Variants in NR6A1 observed in about 807,000 individuals in gnomAD.
The protein encoded by NR6A1 is retinoic acid receptor-related testis-associated receptor.
NR6A1 carries 7 observed loss-of-function variants against 59.1 expected under a neutral mutation model. The observed-to-expected ratio is 0.12, with a 90% CI of 0.07 to 0.22. The LOEUF is 0.22. Ranked by LOEUF, NR6A1 falls within the 10% of genes least tolerant of loss-of-function variation. The pLI is 1.00. For missense variants in NR6A1, 468 were observed against 611.6 expected (o/e 0.77, Z 2.48); for synonymous variants, 243 against 236.1 (o/e 1.03, Z -0.27).
At chr9:124,547,122 T>A (rs989281805) in intron 3 of NR6A1, among the ~76,000 whole-genome samples, 2 of 152,254 alleles carry the variant, frequency 1.3e-5, no homozygotes, top group African/African-American at 4.8e-5. Context: ...CTGTAACTCT[T>A]ATCTAAGTCT....
intron 2 of NR6A1, among the ~76,000 whole-genome samples, chr9:124,573,231 G>C (rs1019164199): frequency 6.6e-6 from 1 of 152,194 alleles, no homozygotes; most frequent in Non-Finnish European, 1.5e-5. Flanking sequence ...TGTCTGAAGA[G>C]AGCTGTGAAC....
chr9:124,599,446 C>T (rs1446645561), intron 2 of NR6A1: 6 of 418,290 alleles, frequency 1.4e-5, no homozygotes, highest in Middle Eastern at 8.4e-4. Flanking sequence ...AGTTCCTCTT[C>T]ATCTTCCTCC....
chr9:124,587,769 C>T (rs573905197), intron 2 of NR6A1, among the ~76,000 whole-genome samples: 1 of 152,312 alleles, frequency 6.6e-6, no homozygotes, highest in East Asian at 1.9e-4. Flanking sequence ...GAAGCTTCAA[C>T]AATGCGAATG....
At chr9:124,752,613 A>T (rs113296583) in intron 1 of NR6A1, among the ~76,000 whole-genome samples, 3 of 152,262 alleles carry the variant, frequency 2.0e-5, no homozygotes, top group African/African-American at 7.2e-5. Flanking sequence ...CTTTTCCAAC[A>T]TTATCTAATG....
chr9:124,652,008 G>GA (rs1406946531), intron 2 of NR6A1, among the ~76,000 whole-genome samples: 9 of 151,840 alleles, frequency 5.9e-5, no homozygotes, highest in East Asian at 2.0e-4. Flanking sequence ...CAGAATAAAG[G>GA]AAAAAAACAA....
chr9:124,675,047 G>C lies in NR6A1; in HGVS notation c.142+58261C>G, dbSNP rs554822311. 2.0e-5 allele frequency among the ~76,000 whole-genome samples: 3 copies of C among 152,300 alleles called. No homozygotes were observed. In the East Asian group the frequency reaches 5.8e-4, roughly 29 times the overall value. ...ATAATCAATTCTGGAAGCTTTCTTA[G>C]AAATGCCTTCCTGCCTTATACTAGT... On this transcript the variant is annotated intron_variant, in intron 2 of 9. Coordinates refer to ENST00000487099, the MANE Select transcript of NR6A1 (RefSeq NM_033334.4).
rs1170015357 is a variant in NR6A1, at chr9:124,682,805, T to C, written c.142+50503A>G. Among the ~76,000 whole-genome samples the C allele has an allele frequency of 1.1e-4, 16 of 152,228 alleles. 1 individual carries two copies. The highest frequency in any genetic ancestry group is 4.4e-5 in the Non-Finnish European group (3 of 68,036). On this transcript the variant is annotated intron_variant, in intron 2 of 9. Transcript: ENST00000487099. ...CATTGCTCTATGGACAATAATTCTT[T>C]CTTTGTTTGGCAAGAGATCTTAGGG...
chr9:124,669,356 A>G (rs1198657424), intron 2 of NR6A1, among the ~76,000 whole-genome samples: 2 of 152,246 alleles, frequency 1.3e-5, no homozygotes, highest in African/African-American at 2.4e-5. Flanking sequence ...TAAACAAATA[A>G]CCAAAAATGG....
intron 2 of NR6A1, among the ~76,000 whole-genome samples, chr9:124,659,808 G>C (rs1221107598): frequency 6.6e-6 from 1 of 152,196 alleles, no homozygotes; most frequent in Non-Finnish European, 1.5e-5. Context: ...TGAGAATTAT[G>C]AATTATATAG....
At chr9:124,533,534 T>A (rs1425707491) in intron 7 of NR6A1, among the ~76,000 whole-genome samples, 1 of 152,180 alleles carries the variant, frequency 6.6e-6, no homozygotes, top group Non-Finnish European at 1.5e-5. Context: ...ACTGTGCTCT[T>A]CCTGAGTCTT....
Position 124,609,965 on chromosome 9 carries a change from C to T in NR6A1, c.143-55395G>A, listed in dbSNP as rs547825041. ...GATTTTTGCACATTGATTTTGTATC[C>T]TGAGACTGCTGAAGTTGCTTATCAG... is the stretch of plus-strand genomic sequence containing the variant. On this transcript the variant is annotated intron_variant, in intron 2 of 9. Coordinates refer to ENST00000487099, the MANE Select transcript of NR6A1 (RefSeq NM_033334.4). Among the ~76,000 whole-genome samples, 187 of 152,292 alleles carry T rather than the reference C, an allele frequency of 1.2e-3. 2 individuals carry two copies. The highest frequency in any genetic ancestry group is 3.4e-3 in the Middle Eastern group (1 of 294).
intron 3 of NR6A1, among the ~76,000 whole-genome samples, chr9:124,544,674 T>C (rs1005255522): frequency 1.3e-5 from 2 of 152,156 alleles, no homozygotes; most frequent in East Asian, 3.9e-4. Context: ...CTCTTCTTTC[T>C]GGGAATTTCC....
chr9:124,643,963 C>T (rs1270045581), intron 2 of NR6A1, among the ~76,000 whole-genome samples: 1 of 152,074 alleles, frequency 6.6e-6, no homozygotes, highest in African/African-American at 2.4e-5. Context: ...TGCAGTGGCG[C>T]GATACTGGCT....
chr9:124,577,742 T>C (rs1834641942), intron 2 of NR6A1, among the ~76,000 whole-genome samples: 1 of 152,210 alleles, frequency 6.6e-6, no homozygotes, highest in African/African-American at 2.4e-5. Context: ...CTTTCTATTC[T>C]CGTAAATTGA....
intron 2 of NR6A1, among the ~76,000 whole-genome samples, chr9:124,651,981 C>T (rs564743998): frequency 6.6e-6 from 1 of 152,096 alleles, no homozygotes; most frequent in East Asian, 1.9e-4. Context: ...GAGAAGAAAA[C>T]GATGTCCAAG....
At chr9:124,599,616 G>T in intron 2 of NR6A1, 1 of 1,175,240 alleles carries the variant, frequency 8.5e-7, no homozygotes, top group Non-Finnish European at 1.1e-6. Context: ...GGCTGAGTCG[G>T]TCGTCGCCGG....
chr9:124,618,865 T>C (rs1588713746), intron 2 of NR6A1, among the ~76,000 whole-genome samples: 2 of 152,312 alleles, frequency 1.3e-5, no homozygotes, highest in Admixed American at 1.3e-4. Context: ...CAGGCTCTCT[T>C]ACACCCTGAT....
rs1002850550 is a variant in NR6A1, at chr9:124,521,010, G to A, written c.*1695C>T. Reference sequence around the variant, plus strand: ...GACATGGACTACCCAGTATGCACACGACGTGGTGCCCTCCTGGGTAGCTTT... The same window carrying A: ...GACATGGACTACCCAGTATGCACACAACGTGGTGCCCTCCTGGGTAGCTTT... On this transcript the variant is annotated 3_prime_UTR_variant, in exon 10 of 10. Transcript: ENST00000487099. 6.6e-6 allele frequency: 1 copy of A among 152,194 alleles called. No homozygotes were observed. The highest frequency in any genetic ancestry group is 2.4e-5 in the African/African-American group (1 of 41,446). The allele number at this position is 152,194 out of a possible 1,614,324, so 9.4% of individuals were successfully genotyped here. A position where few individuals can be genotyped will look rare whatever the true frequency, so the allele number is the denominator to read the frequency against.
intron 2 of NR6A1, among the ~76,000 whole-genome samples, chr9:124,647,926 A>G (rs556957201): frequency 3.5e-4 from 53 of 152,218 alleles, no homozygotes; most frequent in African/African-American, 1.3e-3. Flanking sequence ...ATTCCAAAAA[A>G]TTGAAGAGGA....
Sources: gnomAD v4.1 joint callset for allele counts (sites outside exome capture counted in the v4.1 genomes callset) on GRCh38, gnomAD v4.1.1 for gene constraint, MANE v1.5 for transcripts, NCBI Gene and HGNC (gene_info 2026-07-23, HGNC 2026-07-21) for gene names.